The following CLTCL1 variants were observed in gnomAD, a reference collection of about 807,000 sequenced individuals.
The protein encoded by CLTCL1 is clathrin heavy chain 2.
A neutral mutation model predicts 190.0 loss-of-function variants in CLTCL1; 159 were observed. The observed-to-expected ratio is 0.84, with a 90% CI of 0.74 to 0.95. The LOEUF is 0.95. Ranked by LOEUF, CLTCL1 falls within the 40% of genes least tolerant of loss-of-function variation. The probability of loss-of-function intolerance (pLI) is 0.00; values close to 1 mark genes in which losing one functional copy is unlikely to be tolerated. For synonymous variants in CLTCL1, 752 were observed against 769.6 expected (o/e 0.98, Z 0.38); for missense variants, 1,878 against 2,033.4 (o/e 0.92, Z 1.47).
chr22:19,191,716 T>A (rs2084512668), intron 26 of CLTCL1, among the ~76,000 whole-genome samples: 1 of 152,180 alleles, frequency 6.6e-6, no homozygotes, highest in African/African-American at 2.4e-5. Flanking sequence ...TCACTCAGTA[T>A]CGGCTGAATG....
At chr22:19,212,755 G>A (rs1238622978) in intron 19 of CLTCL1, among the ~76,000 whole-genome samples, 1 of 152,188 alleles carries the variant, frequency 6.6e-6, no homozygotes, top group African/African-American at 2.4e-5. Flanking sequence ...CATGGAGAAA[G>A]AGTATTTTTA....
chr22:19,254,186 T>C lies in CLTCL1; in HGVS notation c.292A>G (p.Lys98Glu), dbSNP rs1555971489. 6.2e-7 allele frequency: 1 copy of C among 1,613,746 alleles called. No individual in the cohort carries two copies. Among genetic ancestry groups the C allele is most frequent in the Non-Finnish European group, 8.5e-7 (1 of 1,179,726 alleles). Reference protein sequence around the residue: ...LQIFNIEMKSKMKAHTMAEEV... With the variant: ...LQIFNIEMKSEMKAHTMAEEV... ...TCTGCCATAGTATGAGCCTTCATTTTACTCTTCATCTCAATATTAAAGATC... is the reference window on the plus strand; with the variant it reads ...TCTGCCATAGTATGAGCCTTCATTTCACTCTTCATCTCAATATTAAAGATC... The change falls in exon 3 of 33, where the codon AAA becomes GAA. Residue 98 changes from lysine to glutamate, a missense_variant. Lys to Glu is a moderately conservative substitution (Grantham distance 56). Transcript: ENST00000427926.
intron 2 of CLTCL1, among the ~76,000 whole-genome samples, chr22:19,271,357 TGAGTTCTCACGA>T (rs1289499182): frequency 6.6e-6 from 1 of 152,064 alleles, no homozygotes; most frequent in Non-Finnish European, 1.5e-5. Flanking sequence ...TGATAGTGAG[TGAGTTCTCACGA>T]GATCTGATGG....
Position 19,235,647 on chromosome 22 carries a change from G to C in CLTCL1, c.969+49C>G, listed in dbSNP as rs370887202. ...GAGAAGGGGGAAAGTTTAAACGCCA[G>C]TCCCTAATGAATGGAAAAGGTAGAA... On this transcript the variant is annotated intron_variant, in intron 6 of 32. Transcript: ENST00000427926. 12 of 1,559,280 alleles carry C rather than the reference G, an allele frequency of 7.7e-6. No individual in the cohort carries two copies. The African/African-American group carries it at 1.5e-4, about 19-fold the overall frequency.
At chr22:19,209,528 T>C (rs1276214561) in intron 20 of CLTCL1, among the ~76,000 whole-genome samples, 3 of 152,134 alleles carry the variant, frequency 2.0e-5, no homozygotes, top group Admixed American at 1.3e-4. Flanking sequence ...GTCTGGCAGA[T>C]TGCGTGACAG....
rs189721632 is a variant in CLTCL1, at chr22:19,241,015, C to A, written c.682-1627G>T. Among the ~76,000 whole-genome samples the A allele has an allele frequency of 2.8e-3, 422 of 152,320 alleles. 4 individuals are homozygous for A. Among genetic ancestry groups the A allele is most frequent in the African/African-American group, 9.4e-3 (389 of 41,576 alleles). The stretch of plus-strand genomic sequence containing the variant: ...GCCTGGGCACAGGCGGGGCGGGCAC[C>A]CTCCCAGGACCCCACACCCACCCTG... On this transcript the variant is annotated intron_variant, in intron 4 of 32. Coordinates refer to ENST00000427926, the MANE Select transcript of CLTCL1 (RefSeq NM_007098.4).
chr22:19,196,181 T>G (rs1188788973), intron 26 of CLTCL1, 85 bp downstream of exon 26: 46 of 1,410,956 alleles, frequency 3.3e-5, no homozygotes, highest in Non-Finnish European at 4.0e-5. Context: ...TGGTACTCAT[T>G]CCACTCCCAC....
intron 1 of CLTCL1, among the ~76,000 whole-genome samples, chr22:19,287,764 C>A (rs1304088252): frequency 6.6e-6 from 1 of 152,066 alleles, no homozygotes; most frequent in Admixed American, 6.5e-5. Flanking sequence ...ACATCCCAGG[C>A]TCCTGGCTGG....
Position 19,183,803 on chromosome 22 carries a change from C to T in CLTCL1, c.4606-192G>A, listed in dbSNP as rs1283527433. 33 of 618,256 alleles carry T rather than the reference C, an allele frequency of 5.3e-5. No homozygotes were observed. The East Asian group carries it at 7.6e-4, about 14-fold the overall frequency. 38.3% of individuals were successfully genotyped at this position (618,256 alleles called of 1,614,324 possible). A position where few individuals can be genotyped will look rare whatever the true frequency, so the allele number is the denominator to read the frequency against. On this transcript the variant is annotated intron_variant, in intron 29 of 32. Coordinates refer to ENST00000427926, the MANE Select transcript of CLTCL1 (RefSeq NM_007098.4). ...ACTGGTGAAACGGAGATGCCACCTC[C>T]GGAGGCTCTGGAGGGGACAGGTGGC...
chr22:19,264,548 G>T (rs1464550725), intron 2 of CLTCL1, among the ~76,000 whole-genome samples: 1 of 152,098 alleles, frequency 6.6e-6, no homozygotes, highest in East Asian at 1.9e-4. Context: ...TACTATCTCT[G>T]AGGTACACAG....
Position 19,210,412 on chromosome 22 carries a change from T to A in CLTCL1, c.3163A>T (p.Ile1055Phe), listed in dbSNP as rs782592083. 6.2e-7 allele frequency: 1 copy of A among 1,614,028 alleles called. No homozygotes were observed. The highest frequency in any genetic ancestry group is 8.5e-7 in the Non-Finnish European group (1 of 1,179,886). Reference protein sequence around the residue: ...SRLDNYDALDIASIAVSSALY... With the variant: ...SRLDNYDALDFASIAVSSALY... ...GCGCTGCTGACAGCGATGCTCGCGA[T>A]GTCCAGTGCGTCATAGTTGTCCAGG... Residue 1055 changes from isoleucine to phenylalanine, a missense_variant, in exon 20 of 33, where the codon ATC (isoleucine) becomes TTC (phenylalanine). Transcript: ENST00000427926.
intron 3 of CLTCL1, among the ~76,000 whole-genome samples, chr22:19,246,561 C>T (rs2086427282): frequency 6.6e-6 from 1 of 152,092 alleles, no homozygotes; most frequent in Admixed American, 6.5e-5. Context: ...ACTTCAACCT[C>T]TGCCTTCCAG....
chr22:19,250,531 AG>A (rs2146039986), intron 3 of CLTCL1, among the ~76,000 whole-genome samples: 1 of 146,490 alleles, frequency 6.8e-6, no homozygotes, highest in African/African-American at 2.5e-5. Context: ...TTCTCAAGTT[AG>A]TACCACATTC....
At chr22:19,284,215 G>T (rs1555988750) in intron 1 of CLTCL1, among the ~76,000 whole-genome samples, 1 of 152,166 alleles carries the variant, frequency 6.6e-6, no homozygotes, top group African/African-American at 2.4e-5. Context: ...TCACACCTAT[G>T]TGGACACCAA....
intron 22 of CLTCL1, among the ~76,000 whole-genome samples, chr22:19,204,464 A>G (rs2084991207): frequency 2.0e-5 from 3 of 152,034 alleles, no homozygotes; most frequent in Admixed American, 1.3e-4. Context: ...CACCGTTCCA[A>G]CGCTTCTTAT....
At chr22:19,216,607 G>A (rs2145709567) in intron 18 of CLTCL1, among the ~76,000 whole-genome samples, 1 of 152,318 alleles carries the variant, frequency 6.6e-6, no homozygotes, top group South Asian at 2.1e-4. Context: ...CACCGCAGGG[G>A]CTTCCAGCAG....
At chr22:19,223,242 C>T (rs1401427806) in intron 14 of CLTCL1, among the ~76,000 whole-genome samples, 1 of 152,138 alleles carries the variant, frequency 6.6e-6, no homozygotes, top group Non-Finnish European at 1.5e-5. Flanking sequence ...CAGGCCACCA[C>T]AATCATGCCT....
chr22:19,223,746 C>T (rs1374730012), intron 14 of CLTCL1, 145 bp downstream of exon 14: 9 of 845,312 alleles, frequency 1.1e-5, no homozygotes, highest in African/African-American at 8.5e-5. Context: ...GAACTTTAAG[C>T]CATAAAGTGG....
At chr22:19,257,898 TG>T (rs782053540) in intron 2 of CLTCL1, 120 of 1,357,902 alleles carry the variant, frequency 8.8e-5, no homozygotes, top group Non-Finnish European at 1.1e-4. Context: ...GGTCAGAGAC[TG>T]GGCCATTACT....
Sources: gnomAD v4.1 joint callset for allele counts (sites outside exome capture counted in the v4.1 genomes callset) on GRCh38, gnomAD v4.1.1 for gene constraint, MANE v1.5 for transcripts, NCBI Gene and HGNC (gene_info 2026-07-23, HGNC 2026-07-21) for gene names.